RAD51B: variants seen among roughly 807,000 people sequenced by gnomAD.
RAD51B encodes RAD51 paralog B.
In RAD51B, 38 loss-of-function variants were observed where a neutral mutation model predicts 42.2. That is an observed-to-expected ratio of 0.90 (90% CI 0.70 to 1.18). The LOEUF (loss-of-function observed/expected upper bound fraction) is 1.18, where lower values mean the gene tolerates loss of function less well. RAD51B is among the 50% of genes most tolerant of loss of function. RAD51B has a pLI of 0.00. For synonymous variants in RAD51B, 154 were observed against 145.2 expected (o/e 1.06, Z -0.43); for missense variants, 373 against 400.7 (o/e 0.93, Z 0.59).
intron 8 of RAD51B, among the ~76,000 whole-genome samples, chr14:68,303,734 AT>A (rs909036577): frequency 6.6e-6 from 1 of 152,114 alleles, no homozygotes; most frequent in African/African-American, 2.4e-5. Context: ...CCCAGGAGAG[AT>A]TTCTTTGGTA....
At chr14:68,113,701 C>T (rs1366435071) in intron 7 of RAD51B, 1 of 152,074 alleles carries the variant, frequency 6.6e-6, no homozygotes, top group Non-Finnish European at 1.5e-5. Context: ...TGCTCTGATG[C>T]ATACTGAGAA....
chr14:68,515,420 T>C (rs1566922089), intron 10 of RAD51B, among the ~76,000 whole-genome samples: 1 of 148,844 alleles, frequency 6.7e-6, no homozygotes, highest in Non-Finnish European at 1.5e-5. Context: ...AATAATTTCT[T>C]TTCTTCCTTT....
intron 8 of RAD51B, among the ~76,000 whole-genome samples, chr14:68,407,077 T>A (rs2331696): frequency 0.52 from 78,687 of 151,978 alleles, 22,133 homozygotes; most frequent in Admixed American, 0.65. Flanking sequence ...GTTAACTTCT[T>A]AAAATAAGTA....
chr14:68,395,732 C>T (rs2083897773), intron 8 of RAD51B, among the ~76,000 whole-genome samples: 1 of 152,164 alleles, frequency 6.6e-6, no homozygotes, highest in African/African-American at 2.4e-5. Context: ...GCCCATGGTG[C>T]CTTCTAGATG....
At chr14:67,871,106 T>C (rs1196197225) in intron 5 of RAD51B, among the ~76,000 whole-genome samples, 1 of 151,582 alleles carries the variant, frequency 6.6e-6, no homozygotes, top group Non-Finnish European at 1.5e-5. Flanking sequence ...CTGAAGGAAA[T>C]AGAGACACAA....
intron 7 of RAD51B, among the ~76,000 whole-genome samples, chr14:68,129,731 A>G (rs756313275): frequency 1.8e-4 from 28 of 152,330 alleles, no homozygotes; most frequent in South Asian, 6.2e-4. Context: ...AGTGTACTCC[A>G]GTGGTTCTCA....
chr14:68,127,616 C>G (rs1252989776), intron 7 of RAD51B, among the ~76,000 whole-genome samples: 1 of 91,876 alleles, frequency 1.1e-5, no homozygotes, highest in Non-Finnish European at 2.2e-5. Context: ...CACACACACA[C>G]ACACACACAC....
At chr14:68,124,321 TA>T (rs145215032) in intron 7 of RAD51B, among the ~76,000 whole-genome samples, 1,982 of 152,330 alleles carry the variant, frequency 0.013, 45 homozygotes, top group African/African-American at 0.045. Flanking sequence ...TTTGCATTCC[TA>T]ATAGAGGCAC....
intron 9 of RAD51B, among the ~76,000 whole-genome samples, chr14:68,465,951 A>AAAAAAATAAAAT (rs368641918): frequency 3.3e-5 from 3 of 90,512 alleles, no homozygotes; most frequent in African/African-American, 9.9e-5. Flanking sequence ...AAAAAAAAAA[A>AAAAAAATAAAAT]AAATAAATAA....
At chr14:68,225,759 C>T (rs113866267) in intron 7 of RAD51B, among the ~76,000 whole-genome samples, 3 of 152,156 alleles carry the variant, frequency 2.0e-5, no homozygotes, top group African/African-American at 7.2e-5. Flanking sequence ...TCTTTATGTA[C>T]ATAGAGAAGC....
intron 7 of RAD51B, among the ~76,000 whole-genome samples, chr14:68,073,647 T>C (rs1297584745): frequency 6.6e-6 from 1 of 152,182 alleles, no homozygotes; most frequent in East Asian, 1.9e-4. Context: ...TATATTTTTG[T>C]AGTGGTCAGT....
chr14:68,181,276 G>A (rs2079056563), intron 7 of RAD51B, among the ~76,000 whole-genome samples: 1 of 152,186 alleles, frequency 6.6e-6, no homozygotes, highest in South Asian at 2.1e-4. Flanking sequence ...ACCTTGCCAT[G>A]TTCCTAAGCT....
At chr14:68,152,399 T>C (rs930535402) in intron 7 of RAD51B, among the ~76,000 whole-genome samples, 38 of 152,296 alleles carry the variant, frequency 2.5e-4, no homozygotes, top group African/African-American at 7.2e-4. Context: ...GCAGGGCTAC[T>C]CTCTGTTAGC....
chr14:68,515,471 T>G (rs987119428), intron 10 of RAD51B, among the ~76,000 whole-genome samples: 1 of 140,786 alleles, frequency 7.1e-6, no homozygotes, highest in Admixed American at 7.4e-5. Flanking sequence ...TTTAGAGAGA[T>G]AGGGTCTCCC....
At chr14:68,016,203 G>A (rs1243864771) in intron 7 of RAD51B, among the ~76,000 whole-genome samples, 5 of 152,036 alleles carry the variant, frequency 3.3e-5, no homozygotes, top group African/African-American at 9.7e-5. Flanking sequence ...AAGCAAATAC[G>A]GGTAGAAAAA....
intron 7 of RAD51B, among the ~76,000 whole-genome samples, chr14:67,967,742 C>A (rs1163180532): frequency 6.6e-6 from 1 of 152,148 alleles, no homozygotes; most frequent in Non-Finnish European, 1.5e-5. Flanking sequence ...TGGCTGCTTT[C>A]ACAGGCTGGT....
intron 10 of RAD51B, among the ~76,000 whole-genome samples, chr14:68,517,952 G>A (rs569554916): frequency 1.2e-4 from 19 of 152,114 alleles, no homozygotes; most frequent in African/African-American, 3.1e-4. Flanking sequence ...CTCTTCTACC[G>A]CCTTGATCTA....
intron 8 of RAD51B, among the ~76,000 whole-genome samples, chr14:68,370,647 T>TG (rs1159645024): frequency 2.0e-5 from 3 of 152,002 alleles, no homozygotes; most frequent in Non-Finnish European, 4.4e-5. Context: ...TGGCTCAGAC[T>TG]GGGGGGTGTG....
intron 11 of RAD51B, among the ~76,000 whole-genome samples, chr14:68,672,816 G>C (rs1893186529): frequency 6.6e-6 from 1 of 152,174 alleles, no homozygotes; most frequent in Admixed American, 6.5e-5. Context: ...CAGCTTCATG[G>C]TGTCCCTTCA....
Sources: allele counts gnomAD v4.1 joint callset (sites outside exome capture counted in the v4.1 genomes callset), GRCh38; gene constraint gnomAD v4.1.1; transcripts MANE v1.5; gene names NCBI Gene and HGNC (gene_info 2026-07-23, HGNC 2026-07-21).